The following BIRC6 variants were observed in gnomAD, a reference collection of about 807,000 sequenced individuals.
BIRC6 encodes baculoviral IAP repeat containing 6.
BIRC6 carries 98 observed loss-of-function variants against 503.3 expected under a neutral mutation model. The observed-to-expected ratio is 0.19, with a 90% CI of 0.17 to 0.23. The LOEUF is 0.23. Among genes scored for constraint, BIRC6 ranks in the 10% least tolerant of loss-of-function variants. BIRC6 has a pLI of 1.00. For synonymous variants in BIRC6, 2,240 were observed against 2,078.7 expected (o/e 1.08, Z -2.11); for missense variants, 5,360 against 5,806.0 (o/e 0.92, Z 2.50).
intron 66 of BIRC6, among the ~76,000 whole-genome samples, chr2:32,583,068 G>T (rs553673593): frequency 1.3e-5 from 2 of 152,302 alleles, no homozygotes; most frequent in Middle Eastern, 3.4e-3. Context: ...GATAATTACA[G>T]TACTCTGATG....
At chr2:32,575,061 A>G (rs2060172853) in intron 65 of BIRC6, 95 bp from the exon 66 acceptor site, 1 of 1,350,592 alleles carries the variant, frequency 7.4e-7, no homozygotes, top group Non-Finnish European at 1.0e-6. Flanking sequence ...TCAGCTGTGG[A>G]CCTTGGTAAG....
Position 32,441,329 on chromosome 2 carries a change from G to T in BIRC6, c.3811G>T (p.Glu1271Ter). ...ATTCATTATTATTTGTAATGTTTAG[G>T]AAAAATCATCTAATGTTAAGAATGA... ...SLLAKVAAGK[E>*]KSSNVKNENT... The change falls in exon 17 of 74, where the codon GAA (glutamate) becomes TAA (stop). Residue 1271 changes from glutamate to a stop codon, truncating the protein, a stop_gained and splice_region_variant. Transcript: ENST00000421745. LOFTEE classifies it high-confidence loss of function. 6.5e-7 allele frequency: 1 copy of T among 1,542,376 alleles called. No homozygotes were observed. Among genetic ancestry groups the T allele is most frequent in the Non-Finnish European group, 8.8e-7 (1 of 1,131,056 alleles).
chr2:32,583,145 C>G (rs1265192848), intron 66 of BIRC6, among the ~76,000 whole-genome samples: 1 of 152,150 alleles, frequency 6.6e-6, no homozygotes, highest in African/African-American at 2.4e-5. Flanking sequence ...TTAATTTCAT[C>G]TTTTCTGACT....
At chr2:32,544,256 TA>T (rs1465425666) in intron 62 of BIRC6, among the ~76,000 whole-genome samples, 2 of 152,138 alleles carry the variant, frequency 1.3e-5, no homozygotes, top group Admixed American at 1.3e-4. Flanking sequence ...GTGTTGAATA[TA>T]GTTTTTTTCA....
Position 32,388,589 on chromosome 2 carries a change from AT to A in BIRC6, c.646-152del, listed in dbSNP as rs35547648. Among the ~76,000 whole-genome samples the A allele has an allele frequency of 8.8e-3, 1,325 of 151,322 alleles. 16 individuals carry two copies. The highest frequency in any genetic ancestry group is 0.031 in the African/African-American group (1,262 of 41,278). The stretch of plus-strand genomic sequence containing the variant: ...TATCTTGGCTTTTGTAAAATATTTT[AT>A]TTTTTTTTATAACTGCAAGTTTCTG... On this transcript the variant is annotated intron_variant, in intron 3 of 73. Coordinates refer to ENST00000421745, the MANE Select transcript of BIRC6 (RefSeq NM_016252.4).
intron 6 of BIRC6, among the ~76,000 whole-genome samples, chr2:32,397,702 A>ACG (rs1391617073): frequency 6.7e-6 from 1 of 149,564 alleles, no homozygotes; most frequent in Admixed American, 6.6e-5. Flanking sequence ...GTACACACAC[A>ACG]CACACACACA....
intron 31 of BIRC6, 95 bp from the exon 32 acceptor site, chr2:32,470,919 A>G (rs1384414994): frequency 4.6e-6 from 6 of 1,299,180 alleles, no homozygotes; most frequent in African/African-American, 1.5e-5. Flanking sequence ...TATGTTTTGG[A>G]TTTATAGAAT....
chr2:32,592,154 C>T (rs1274599075), intron 66 of BIRC6, among the ~76,000 whole-genome samples: 1 of 152,168 alleles, frequency 6.6e-6, no homozygotes, highest in African/African-American at 2.4e-5. Context: ...TATTCAGATA[C>T]ATGTACATAG....
In BIRC6 at chr2:32,396,005, T is replaced by C. The variant is rs541012188; in HGVS notation, c.1034+412T>C. On this transcript the variant is annotated intron_variant, in intron 6 of 73. Coordinates refer to ENST00000421745, the MANE Select transcript of BIRC6 (RefSeq NM_016252.4). ...AGTCTTTGATGTCTCTGAATTTTAGTGCATGAAATTTTAGAACCTGGTTAA... is the reference window on the plus strand; with the variant it reads ...AGTCTTTGATGTCTCTGAATTTTAGCGCATGAAATTTTAGAACCTGGTTAA... 4.6e-5 allele frequency among the ~76,000 whole-genome samples: 7 copies of C among 152,320 alleles called. No individual in the cohort carries two copies. In the South Asian group the frequency reaches 6.2e-4, roughly 14 times the overall value.
At chr2:32,467,048 G>C (rs2048620251) in intron 26 of BIRC6, among the ~76,000 whole-genome samples, 1 of 151,914 alleles carries the variant, frequency 6.6e-6, no homozygotes, top group African/African-American at 2.4e-5. Flanking sequence ...GAACCCAGGA[G>C]GCGGAGCTTG....
chr2:32,558,974 GTTAT>G (rs1342898234), intron 65 of BIRC6: 1 of 151,960 alleles, frequency 6.6e-6, no homozygotes, highest in African/African-American at 2.4e-5. Flanking sequence ...AATGTTTATG[GTTAT>G]TTCTTTTGAA....
At chr2:32,494,031 T>G (rs542147164) in intron 45 of BIRC6, among the ~76,000 whole-genome samples, 46 of 152,268 alleles carry the variant, frequency 3.0e-4, no homozygotes, top group African/African-American at 1.0e-3. Context: ...ATAGAGCTTA[T>G]AAAAGAAAAT....
chr2:32,426,167 T>C (rs1365546800), intron 10 of BIRC6, among the ~76,000 whole-genome samples: 3 of 152,240 alleles, frequency 2.0e-5, no homozygotes, highest in Non-Finnish European at 4.4e-5. Context: ...CTTTTTCTGA[T>C]ACTACTTTTT....
chr2:32,611,992 C>T (rs2062909239), intron 73 of BIRC6, among the ~76,000 whole-genome samples: 2 of 152,192 alleles, frequency 1.3e-5, no homozygotes, highest in South Asian at 2.1e-4. Context: ...CCTCCCACCT[C>T]AGCTTCCCAT....
chr2:32,476,040 A>G (rs1351823743), intron 33 of BIRC6, among the ~76,000 whole-genome samples, 173 bp from the exon 34 acceptor site: 6 of 152,150 alleles, frequency 3.9e-5, no homozygotes, highest in Admixed American at 3.9e-4. Context: ...AGAGATCTCA[A>G]AGTCAGGATT....
rs187183623 is a variant in BIRC6, at chr2:32,472,257, C to T, written c.6593-855C>T. On this transcript the variant is annotated intron_variant, in intron 32 of 73. Transcript: ENST00000421745. ...AATTGTTTTGTATTTTTAGTAGGGACGAGGTTTCACCATATTGGCCAGGCT... is the reference window on the plus strand; with the variant it reads ...AATTGTTTTGTATTTTTAGTAGGGATGAGGTTTCACCATATTGGCCAGGCT... Among the ~76,000 whole-genome samples, 58 of 152,128 alleles carry T rather than the reference C, an allele frequency of 3.8e-4. 1 individual carries two copies. Among genetic ancestry groups the T allele is most frequent in the African/African-American group, 1.3e-3 (52 of 41,512 alleles).
At chr2:32,499,195 G>T (rs1476328525) in intron 45 of BIRC6, among the ~76,000 whole-genome samples, 1 of 152,094 alleles carries the variant, frequency 6.6e-6, no homozygotes, top group Non-Finnish European at 1.5e-5. Context: ...CGTTATTTGA[G>T]AATGGAAAAA....
Position 32,448,826 on chromosome 2 carries a change from G to T in BIRC6, c.4516G>T (p.Val1506Phe). ...ATTATATAGCTCACCATTTGATCCA[G>T]TCCTCTTTGATTTGGAGATGAGTGG... ...YGLYSSPFDP[V>F]LFDLEMSGSS... The change falls in exon 22 of 74, where the codon GTC becomes TTC. Residue 1506 changes from valine to phenylalanine, a missense_variant. Physicochemically the swap from Val to Phe is conservative, Grantham distance 50. Coordinates refer to ENST00000421745, the MANE Select transcript of BIRC6 (RefSeq NM_016252.4). The T allele has an allele frequency of 6.2e-7, 1 of 1,613,436 alleles. No individual in the cohort carries two copies. Among genetic ancestry groups the T allele is most frequent in the Middle Eastern group, 1.7e-4 (1 of 6,050 alleles).
chr2:32,558,094 AG>A (rs1236052382), intron 65 of BIRC6, among the ~76,000 whole-genome samples: 3 of 152,168 alleles, frequency 2.0e-5, no homozygotes, highest in African/African-American at 7.2e-5. Flanking sequence ...TTCAGTGTGC[AG>A]TCCTACTTTA....
Sources: allele counts gnomAD v4.1 joint callset (sites outside exome capture counted in the v4.1 genomes callset), GRCh38; gene constraint gnomAD v4.1.1; transcripts MANE v1.5; gene names NCBI Gene and HGNC (gene_info 2026-07-23, HGNC 2026-07-21).